Variants in CCDC33 observed in about 807,000 individuals in gnomAD.
CCDC33 encodes coiled-coil domain-containing protein 33.
In CCDC33, 94 loss-of-function variants were observed where a neutral mutation model predicts 91.9. The ratio of observed to expected loss-of-function variants is 1.02; its 90% CI spans 0.87 to 1.21. CCDC33 has a LOEUF of 1.21. Among genes scored for constraint, CCDC33 ranks in the 50% most tolerant of loss-of-function variants. The pLI is 0.00. For synonymous variants in CCDC33, 396 were observed against 374.5 expected (o/e 1.06, Z -0.66); for missense variants, 940 against 935.5 (o/e 1.00, Z -0.06).
intron 2 of CCDC33, among the ~76,000 whole-genome samples, chr15:74,260,353 G>T (rs1485741484): frequency 6.6e-6 from 1 of 152,196 alleles, no homozygotes; most frequent in Non-Finnish European, 1.5e-5. Flanking sequence ...AGCCTGCAGG[G>T]GTGTGTCTGG....
At chr15:74,264,332 C>T (rs1024766554) in intron 3 of CCDC33, among the ~76,000 whole-genome samples, 2 of 152,106 alleles carry the variant, frequency 1.3e-5, no homozygotes, top group African/African-American at 2.4e-5. Flanking sequence ...GCAGAAATAG[C>T]TTGTTGGCCA....
At chr15:74,269,297 C>A (rs2076251990) in intron 5 of CCDC33, among the ~76,000 whole-genome samples, 1 of 152,204 alleles carries the variant, frequency 6.6e-6, no homozygotes, top group Non-Finnish European at 1.5e-5. Context: ...TGATCTGTTC[C>A]TATCCTTCCC....
At chr15:74,312,343 A>C (rs1358590539) in intron 11 of CCDC33, among the ~76,000 whole-genome samples, 1 of 152,226 alleles carries the variant, frequency 6.6e-6, no homozygotes, top group African/African-American at 2.4e-5. Flanking sequence ...CAGTGTCAGC[A>C]GCCGCCCCAG....
At chr15:74,327,329 C>T (rs1034156027) in intron 11 of CCDC33, among the ~76,000 whole-genome samples, 7 of 152,324 alleles carry the variant, frequency 4.6e-5, no homozygotes, top group Non-Finnish European at 8.8e-5. Flanking sequence ...TCTGTCAAAG[C>T]GAGGTGTTAA....
rs776485585 is a variant in CCDC33 at position 74,244,066 on chromosome 15, GA to G, written c.104del (p.Glu35GlyfsTer28). 1.3e-5 allele frequency: 20 copies of G among 1,596,796 alleles called. No homozygotes were observed. The African/African-American group carries it at 2.3e-4, about 18-fold the overall frequency. ...EIGHLSPSKK[E>X]TIMVTLHGAT... ...CGGTCACCTGTCTCCCTCTAAGAAG[GA>G]GACCATCATGGTCACCCTCCATGGG... On this transcript the variant is annotated frameshift_variant, in exon 2 of 19. Coordinates refer to ENST00000398814, the MANE Select transcript of CCDC33 (RefSeq NM_025055.5). LOFTEE classifies it high-confidence loss of function. This position sits in a 1 kb window ranked among gnomAD's most constrained non-coding sequence, Gnocchi z 4.2.
At chr15:74,238,105 G>A (rs1274418915) in intron 1 of CCDC33, among the ~76,000 whole-genome samples, 1 of 151,816 alleles carries the variant, frequency 6.6e-6, no homozygotes, top group Non-Finnish European at 1.5e-5. Flanking sequence ...TCCAGCCTGG[G>A]CAACAGTGTG....
At chr15:74,297,119 C>T (rs1289540128) in intron 11 of CCDC33, among the ~76,000 whole-genome samples, 1 of 152,210 alleles carries the variant, frequency 6.6e-6, no homozygotes, top group Non-Finnish European at 1.5e-5. Context: ...TGGGCATGCC[C>T]AGGGTTCTTC....
intron 5 of CCDC33, 61 bp from the exon 6 acceptor site, chr15:74,271,642 T>C: frequency 6.9e-6 from 9 of 1,303,716 alleles, no homozygotes; most frequent in Non-Finnish European, 1.0e-5. Context: ...TCTGGCTGGC[T>C]GTCTCTGGAA....
chr15:74,304,914 G>A (rs1308282640), intron 11 of CCDC33, among the ~76,000 whole-genome samples: 3 of 150,950 alleles, frequency 2.0e-5, no homozygotes, highest in African/African-American at 7.3e-5. Flanking sequence ...CAAGACCCCC[G>A]AATGGGCCTG....
chr15:74,318,026 G>A (rs567774274), intron 11 of CCDC33, among the ~76,000 whole-genome samples: 12 of 151,860 alleles, frequency 7.9e-5, no homozygotes, highest in South Asian at 4.2e-4. Flanking sequence ...GGGACCAGGC[G>A]TGGGGCCCTA....
rs549160156 is a variant in CCDC33 at position 74,211,360 on chromosome 15, C to T, written n.237-786C>T. Among the ~76,000 whole-genome samples the T allele has an allele frequency of 6.0e-5, 9 of 149,394 alleles. 1 individual carries two copies. The highest frequency in any genetic ancestry group is 7.4e-5 in the Non-Finnish European group (5 of 67,658). ...GATAACACAGCAGAACCCCTGCCTA[C>T]TGCTGGGTCTCTCTGTCAATATCTG... is the stretch of plus-strand genomic sequence containing the variant. On this transcript the variant is annotated intron_variant and non_coding_transcript_variant, in intron 2 of 3. Transcript: ENST00000558645.
chr15:74,335,203 TG>T, intron 18 of CCDC33, 115 bp downstream of exon 18: 2 of 854,666 alleles, frequency 2.3e-6, no homozygotes, highest in Non-Finnish European at 2.1e-6. Flanking sequence ...ACTCCAGGGC[TG>T]GGGGTCAGGA....
intron 11 of CCDC33, among the ~76,000 whole-genome samples, chr15:74,314,386 G>C (rs759908087): frequency 2.6e-5 from 4 of 152,342 alleles, no homozygotes; most frequent in South Asian, 4.1e-4. Context: ...TGGCCTGGGT[G>C]GGGGAAAGGC....
chr15:74,222,852 C>T (rs1013722130), intron 2 of CCDC33, among the ~76,000 whole-genome samples: 63 of 150,178 alleles, frequency 4.2e-4, no homozygotes, highest in Non-Finnish European at 4.1e-4. Flanking sequence ...AGCTCCAGGC[C>T]GGCGCTCTCC....
intron 7 of CCDC33, among the ~76,000 whole-genome samples, chr15:74,279,488 A>G (rs2076532751): frequency 6.6e-6 from 1 of 152,102 alleles, no homozygotes; most frequent in Non-Finnish European, 1.5e-5. Context: ...ATTTTCCTAA[A>G]TGTATTTATT....
chr15:74,215,150 G>A (rs1452989089), upstream of CCDC33, among the ~76,000 whole-genome samples: 3 of 152,178 alleles, frequency 2.0e-5, no homozygotes, highest in Non-Finnish European at 4.4e-5. Context: ...GCTGCTGTCG[G>A]GTGGAGCTGG....
chr15:74,241,409 A>G (rs555204421), intron 1 of CCDC33, among the ~76,000 whole-genome samples: 5 of 152,192 alleles, frequency 3.3e-5, no homozygotes, highest in Non-Finnish European at 7.3e-5. Flanking sequence ...AGCAGAGGAA[A>G]CAGCTAGGGC....
intron 11 of CCDC33, among the ~76,000 whole-genome samples, chr15:74,329,650 AACCTGGGTCTCCCAGGGTG>A (rs57581204): frequency 0.012 from 1,789 of 152,254 alleles, 27 homozygotes; most frequent in African/African-American, 0.041. Context: ...ACTAAGCTCT[AACCTGGGTCTCCCAGGGTG>A]ACCTTGGGTC....
upstream of CCDC33, chr15:74,236,225 G>C (rs369535874): frequency 6.5e-6 from 1 of 153,476 alleles, no homozygotes; most frequent in Non-Finnish European, 1.5e-5. Flanking sequence ...AGGGCTTCGC[G>C]TTCTAGCTCA....
Sources: gnomAD v4.1 joint callset for allele counts (sites outside exome capture counted in the v4.1 genomes callset) on GRCh38, gnomAD v4.1.1 for gene constraint, Gnocchi (gnomAD v3.1) non-coding constraint, MANE v1.5 for transcripts, NCBI Gene and HGNC (gene_info 2026-07-23, HGNC 2026-07-21) for gene names.